The following IGDCC3 variants were observed in gnomAD, a reference collection of about 807,000 sequenced individuals.
The protein encoded by IGDCC3 is immunoglobulin superfamily DCC subclass member 3.
IGDCC3 carries 47 observed loss-of-function variants against 72.0 expected under a neutral mutation model. The ratio of observed to expected loss-of-function variants is 0.65; its 90% CI spans 0.52 to 0.83. The LOEUF is 0.83. Ranked by LOEUF, IGDCC3 falls within the 40% of genes least tolerant of loss-of-function variation. IGDCC3 has a pLI of 0.00. For missense variants in IGDCC3, 1,038 were observed against 1,091.3 expected, an observed-to-expected ratio of 0.95 and a Z score of 0.69; for synonymous variants, 477 against 472.8, an observed-to-expected ratio of 1.01 and a Z score of -0.11.
rs1042722543 is a variant in IGDCC3, at chr15:65,362,958, G to A, written c.409+12139C>T. Among the ~76,000 whole-genome samples, 5 of 148,532 alleles carry A rather than the reference G, an allele frequency of 3.4e-5. No individual in the cohort carries two copies. The East Asian group carries it at 6.1e-4, about 18-fold the overall frequency. ...CAGCCTCCGCCTCCCGGGTTCCAGC[G>A]ATTCTCCTGTCTCAGCCTCCCGAGT... On this transcript the variant is annotated intron_variant, in intron 2 of 13. Transcript: ENST00000327987.
chr15:65,328,982 C>T lies in IGDCC3; in HGVS notation c.2372G>A (p.Gly791Asp), dbSNP rs1196379127. Residue 791 changes from glycine (G) to aspartate (D), a missense_variant, in exon 14 of 14, where the codon GGC (glycine) becomes GAC (aspartate). Transcript: ENST00000327987. The part of the protein sequence containing the change: ...AAPPPPDGGP[G>D]LLSEGQASRP... ...GGAAGCCTGGCCTTCACTGAGGAGG[C>T]CAGGGCCTCCATCTGGGGGTGGTGG... 2 of 1,607,898 alleles carry T rather than the reference C, an allele frequency of 1.2e-6. No individual in the cohort carries two copies. The highest frequency in any genetic ancestry group is 1.1e-5 in the South Asian group (1 of 90,380).
intron 2 of IGDCC3, among the ~76,000 whole-genome samples, chr15:65,369,397 A>G (rs2091309388): frequency 6.6e-6 from 1 of 152,176 alleles, no homozygotes; most frequent in African/African-American, 2.4e-5. Flanking sequence ...CTTTTCTACC[A>G]CACAACTTCT....
At chr15:65,368,307 A>G (rs1348456903) in intron 2 of IGDCC3, among the ~76,000 whole-genome samples, 6 of 151,938 alleles carry the variant, frequency 3.9e-5, no homozygotes, top group Non-Finnish European at 7.4e-5. Context: ...ACAGAGGGTT[A>G]AGGGGGGCTG....
At chr15:65,375,611 C>T (rs984419272) in intron 1 of IGDCC3, among the ~76,000 whole-genome samples, 6 of 152,234 alleles carry the variant, frequency 3.9e-5, no homozygotes, top group Non-Finnish European at 5.9e-5. Flanking sequence ...AATCATCAGA[C>T]CATCTCAGAG....
At chr15:65,373,447 GGGGCCT>G (rs1206729029) in intron 2 of IGDCC3, 1 of 152,474 alleles carries the variant, frequency 6.6e-6, no homozygotes, top group East Asian at 1.9e-4. Flanking sequence ...ACTCCATATG[GGGGCCT>G]GGATCTGCCT....
At chr15:65,340,036 GC>G (rs2091065737) in intron 2 of IGDCC3, among the ~76,000 whole-genome samples, 1 of 152,164 alleles carries the variant, frequency 6.6e-6, no homozygotes, top group African/African-American at 2.4e-5. Flanking sequence ...GCACCGCCCT[GC>G]CCCCACCAGA....
At chr15:65,347,937 A>AAACAACAACAACAAC (rs138666608) in intron 2 of IGDCC3, among the ~76,000 whole-genome samples, 1 of 150,562 alleles carries the variant, frequency 6.6e-6, no homozygotes, top group East Asian at 2.0e-4. Flanking sequence ...ATTTCATCTC[A>AAACAACAACAACAAC]AACAACAACA....
intron 5 of IGDCC3, chr15:65,334,492 AC>A: frequency 2.0e-6 from 1 of 490,662 alleles, no homozygotes; most frequent in Non-Finnish European, 3.6e-6. Flanking sequence ...GGACAAGGTA[AC>A]CCAAGGAGCT....
Position 65,377,567 on chromosome 15 carries a change from G to A in IGDCC3, c.103+119C>T, listed in dbSNP as rs28550877. 0.13 allele frequency: 135,124 copies of A among 1,028,146 alleles called. 9,703 individuals carry two copies. The highest frequency in any genetic ancestry group is 0.19 in the African/African-American group (11,326 of 58,830). 63.7% of individuals were successfully genotyped at this position (1,028,146 alleles called of 1,614,324 possible). A position where few individuals can be genotyped will look rare whatever the true frequency, so the allele number is the denominator to read the frequency against. The stretch of plus-strand genomic sequence containing the variant: ...GGATCCGCAGGGTCCCCCCCGCGCG[G>A]GGTCCGCCCTCAGGTCCGCGCCGCT... On this transcript the variant is annotated intron_variant, in intron 1 of 13. Transcript: ENST00000327987. The surrounding 1 kb of genome is among the most constrained non-coding windows in gnomAD (Gnocchi z 4.9).
chr15:65,364,239 C>T (rs1455596577), intron 2 of IGDCC3, among the ~76,000 whole-genome samples: 1 of 152,204 alleles, frequency 6.6e-6, no homozygotes, highest in Non-Finnish European at 1.5e-5. Context: ...GGGTTGAAAT[C>T]CCAGCTTCCC....
At chr15:65,372,287 G>C (rs1467891984) in intron 2 of IGDCC3, among the ~76,000 whole-genome samples, 1 of 152,154 alleles carries the variant, frequency 6.6e-6, no homozygotes, top group East Asian at 1.9e-4. Context: ...GCATTAACTT[G>C]TCCAGGGTCT....
chr15:65,352,795 T>C (rs1182526191), intron 2 of IGDCC3, among the ~76,000 whole-genome samples: 2 of 152,242 alleles, frequency 1.3e-5, no homozygotes, highest in Non-Finnish European at 2.9e-5. Flanking sequence ...AAATCAGTCT[T>C]ACCATGATTT....
In IGDCC3 at chr15:65,337,344, T is replaced by C. The variant is rs560627271; in HGVS notation, c.410-1388A>G. 1.9e-3 allele frequency among the ~76,000 whole-genome samples: 291 copies of C among 152,270 alleles called. 1 individual carries two copies. The highest frequency in any genetic ancestry group is 6.2e-3 in the African/African-American group (258 of 41,556). On this transcript the variant is annotated intron_variant, in intron 2 of 13. Coordinates refer to ENST00000327987, the MANE Select transcript of IGDCC3 (RefSeq NM_004884.4). ...ATGGGTGTGTGCGCCTCTTTGTACA[T>C]GTGTGCGGGGCTGTGTCTCCGTGTA...
At chr15:65,361,201 G>C (rs1362228508) in intron 2 of IGDCC3, among the ~76,000 whole-genome samples, 2 of 152,048 alleles carry the variant, frequency 1.3e-5, no homozygotes, top group African/African-American at 4.8e-5. Flanking sequence ...GGCCGAGTCG[G>C]GGGATTACCT....
chr15:65,329,726 C>T lies in IGDCC3; in HGVS notation c.1997G>A (p.Arg666Lys). 1 of 1,614,110 alleles carries T rather than the reference C, an allele frequency of 6.2e-7. No individual in the cohort carries two copies. The highest frequency in any genetic ancestry group is 8.5e-7 in the Non-Finnish European group (1 of 1,180,010). The change falls in exon 12 of 14, where the codon AGG (arginine) becomes AAG (lysine). Residue 666 changes from arginine to lysine, a missense_variant and splice_region_variant. Coordinates refer to ENST00000327987, the MANE Select transcript of IGDCC3 (RefSeq NM_004884.4). The surrounding 1 kb of genome is among the most constrained non-coding windows in gnomAD (Gnocchi z 4.1). ...CCCCTCTCCCTGGCCCAGGACCCAC[C>T]TGCCCCTTTGGCCGAACAGGAGGAA... ...VLFLLFGQRG[R>K]VLLCKDVENQ...
At chr15:65,332,492 C>CG (rs2090986869) in intron 6 of IGDCC3, among the ~76,000 whole-genome samples, 1 of 152,146 alleles carries the variant, frequency 6.6e-6, no homozygotes, top group African/African-American at 2.4e-5. Flanking sequence ...GCCTCAGTAC[C>CG]GGGGGCCCCC....
intron 2 of IGDCC3, among the ~76,000 whole-genome samples, chr15:65,340,660 A>T (rs1253161797): frequency 6.6e-6 from 1 of 152,136 alleles, no homozygotes; most frequent in Admixed American, 6.5e-5. Context: ...CCAGACACAT[A>T]CCTGAATCCC....
intron 2 of IGDCC3, among the ~76,000 whole-genome samples, chr15:65,342,526 T>A (rs1408105233): frequency 6.6e-6 from 1 of 152,216 alleles, no homozygotes; most frequent in Non-Finnish European, 1.5e-5. Context: ...ACTTCAGTCA[T>A]CACAGAGAAG....
rs2091061106 is a variant in IGDCC3, at chr15:65,339,537, T to C, written c.410-3581A>G. Among the ~76,000 whole-genome samples, 1 of 152,254 alleles carries C rather than the reference T, an allele frequency of 6.6e-6. No homozygotes were observed. The highest frequency in any genetic ancestry group is 2.1e-4 in the South Asian group (1 of 4,836). On this transcript the variant is annotated intron_variant, in intron 2 of 13. Transcript: ENST00000327987. This position sits in a 1 kb window ranked among gnomAD's most constrained non-coding sequence, Gnocchi z 4.1. Reference sequence around the variant, plus strand: ...CATGTTTGATTCACAAGTGTGTTTATGCCCTGGCTTGTGCCAGCAGGCCAC... The same window carrying C: ...CATGTTTGATTCACAAGTGTGTTTACGCCCTGGCTTGTGCCAGCAGGCCAC...
Sources: allele counts gnomAD v4.1 joint callset (sites outside exome capture counted in the v4.1 genomes callset), GRCh38; gene constraint gnomAD v4.1.1; non-coding constraint Gnocchi (gnomAD v3.1); transcripts MANE v1.5; gene names NCBI Gene and HGNC (gene_info 2026-07-23, HGNC 2026-07-21).